PPP1R12B: variants seen among roughly 807,000 people sequenced by gnomAD.
The protein encoded by PPP1R12B is myosin phosphatase target subunit 2.
PPP1R12B carries 76 observed loss-of-function variants against 126.1 expected under a neutral mutation model. The observed-to-expected ratio is 0.60, with a 90% CI of 0.50 to 0.73. The LOEUF is 0.73. Ranked by LOEUF, PPP1R12B falls within the 30% of genes least tolerant of loss-of-function variation. The pLI, the probability that PPP1R12B is intolerant of heterozygous loss-of-function variation, is 0.00. For synonymous variants in PPP1R12B, 356 were observed against 434.7 expected, an observed-to-expected ratio of 0.82 and a Z score of 2.25; for missense variants, 1,052 against 1,205.1, an observed-to-expected ratio of 0.87 and a Z score of 1.88.
At chr1:202,559,255 A>G (rs1364678590) in intron 19 of PPP1R12B, among the ~76,000 whole-genome samples, 2 of 152,238 alleles carry the variant, frequency 1.3e-5, no homozygotes, top group Non-Finnish European at 2.9e-5. Context: ...AGAGAGACAG[A>G]TCATTTCAAC....
intron 23 of PPP1R12B, among the ~76,000 whole-genome samples, chr1:202,578,516 G>A (rs1337473222): frequency 6.6e-6 from 1 of 152,206 alleles, no homozygotes; most frequent in Non-Finnish European, 1.5e-5. Context: ...CGAAGGAGAG[G>A]GCAGCCAGAG....
chr1:202,442,535 A>G lies in PPP1R12B; in HGVS notation c.1630A>G (p.Ile544Val), dbSNP rs775957719. The G allele has an allele frequency of 1.2e-6, 2 of 1,613,664 alleles. No homozygotes were observed. Among genetic ancestry groups the G allele is most frequent in the Non-Finnish European group, 1.7e-6 (2 of 1,179,836 alleles). ...EAKGNEIPQT[I>V]APSTYVSTYL... The stretch of plus-strand genomic sequence containing the variant: ...AAAAGGAAATGAAATCCCACAGACA[A>G]TTGCTCCCTCCACCTATGTATCAAC... The change falls in exon 12 of 24, where the codon ATT becomes GTT. Residue 544 changes from isoleucine (I) to valine (V), a missense_variant. Ile to Val is a conservative substitution (Grantham distance 29). Transcript: ENST00000608999.
rs1222193266 is a variant in PPP1R12B, at chr1:202,586,333, G to A, written c.*5773G>A. ...GATGGGAAGAAGGCAGAAGGCCCAGGGGCTTTGGACATAGAGCAGGGTGGA... is the reference window on the plus strand; with the variant it reads ...GATGGGAAGAAGGCAGAAGGCCCAGAGGCTTTGGACATAGAGCAGGGTGGA... On this transcript the variant is annotated 3_prime_UTR_variant, in exon 24 of 24. Coordinates refer to ENST00000608999, the MANE Select transcript of PPP1R12B (RefSeq NM_002481.4). The A allele has an allele frequency of 6.6e-6, 1 of 152,406 alleles. No homozygotes were observed. Among genetic ancestry groups the A allele is most frequent in the East Asian group, 1.9e-4 (1 of 5,208 alleles). 9.4% of individuals were successfully genotyped at this position (152,406 alleles called of 1,614,324 possible). A position where few individuals can be genotyped will look rare whatever the true frequency, so the allele number is the denominator to read the frequency against.
rs576963058 is a variant in PPP1R12B, at chr1:202,479,629, C to T, written c.1851-8904C>T. On this transcript the variant is annotated intron_variant, in intron 13 of 23. Transcript: ENST00000608999. ...GAAGGGCTACATTCTAAGGGCTTAC[C>T]AGAAATAGACCAGCCCTTGAAAAGA... Among the ~76,000 whole-genome samples the T allele has an allele frequency of 2.6e-5, 4 of 152,314 alleles. No homozygotes were observed. The South Asian group carries it at 8.3e-4, about 32-fold the overall frequency.
intron 10 of PPP1R12B, chr1:202,439,350 A>G (rs113782613): frequency 0.018 from 24,018 of 1,354,098 alleles, 287 homozygotes; most frequent in Non-Finnish European, 0.021. Flanking sequence ...TTCCAACAAG[A>G]CGATCCACGC....
chr1:202,353,586 T>TTGTGTGTGTGTGTGTG (rs58683662), intron 1 of PPP1R12B, among the ~76,000 whole-genome samples: 22 of 120,814 alleles, frequency 1.8e-4, no homozygotes, highest in African/African-American at 6.3e-4. Context: ...TTCTTCTTCT[T>TTGTGTGTGTGTGTGTG]TGTGTGTGTG....
intron 1 of PPP1R12B, among the ~76,000 whole-genome samples, chr1:202,411,731 T>C (rs1667423185): frequency 1.3e-5 from 2 of 152,170 alleles, no homozygotes; most frequent in South Asian, 4.1e-4. Flanking sequence ...CCCAATGCTA[T>C]AGATGAGTAC....
At position 202,442,535 on chromosome 1, in the gene PPP1R12B, A is replaced by T. The variant is rs775957719; in HGVS notation, c.1630A>T (p.Ile544Phe). ...EAKGNEIPQTIAPSTYVSTYL... is the reference protein window; with the variant it reads ...EAKGNEIPQTFAPSTYVSTYL... The stretch of plus-strand genomic sequence containing the variant: ...AAAAGGAAATGAAATCCCACAGACA[A>T]TTGCTCCCTCCACCTATGTATCAAC... The change falls in exon 12 of 24, where the codon ATT (isoleucine) becomes TTT (phenylalanine). Residue 544 changes from isoleucine (I) to phenylalanine (F), a missense_variant. Coordinates refer to ENST00000608999, the MANE Select transcript of PPP1R12B (RefSeq NM_002481.4). 6.2e-7 allele frequency: 1 copy of T among 1,613,664 alleles called. No homozygotes were observed. The highest frequency in any genetic ancestry group is 8.5e-7 in the Non-Finnish European group (1 of 1,179,836).
At chr1:202,357,439 A>G (rs1167798889) in intron 1 of PPP1R12B, among the ~76,000 whole-genome samples, 1 of 152,198 alleles carries the variant, frequency 6.6e-6, no homozygotes, top group East Asian at 1.9e-4. Context: ...ATTAAGGATA[A>G]CTTGTCTTTC....
intron 23 of PPP1R12B, chr1:202,574,808 C>T (rs1688939025): frequency 1.9e-5 from 10 of 523,844 alleles, no homozygotes; most frequent in Non-Finnish European, 3.4e-6. Flanking sequence ...TTCCCTGTTG[C>T]TTTTCTCCAT....
In PPP1R12B at chr1:202,416,802, A is replaced by G; in HGVS notation, c.307A>G (p.Asn103Asp). Residue 103 changes from asparagine to aspartate, a missense_variant, in exon 2 of 24, where the codon AAT becomes GAT. Physicochemically the swap from Asn to Asp is conservative, Grantham distance 23 (BLOSUM62 1). Transcript: ENST00000608999. ...TALHQACIDE[N>D]LDMVKFLVEN... ...TTCTTTTCAGGCATGTATTGATGAA[A>G]ATTTGGACATGGTGAAGTTTCTGGT... 6.2e-7 allele frequency: 1 copy of G among 1,613,792 alleles called. No individual in the cohort carries two copies. Among genetic ancestry groups the G allele is most frequent in the East Asian group, 2.2e-5 (1 of 44,884 alleles).
intron 18 of PPP1R12B, 130 bp downstream of exon 18, chr1:202,496,952 C>G (rs1037396544): frequency 3.5e-6 from 3 of 863,982 alleles, no homozygotes; most frequent in African/African-American, 3.4e-5. Flanking sequence ...AGACATTCCT[C>G]TAAGAGATGG....
At chr1:202,399,472 G>T (rs1385868077) in intron 1 of PPP1R12B, among the ~76,000 whole-genome samples, 1 of 151,530 alleles carries the variant, frequency 6.6e-6, no homozygotes, top group Non-Finnish European at 1.5e-5. Context: ...TTCCTAAAAT[G>T]CTGGGATTAC....
At chr1:202,568,578 C>G (rs1008277071) in intron 22 of PPP1R12B, among the ~76,000 whole-genome samples, 1 of 152,152 alleles carries the variant, frequency 6.6e-6, no homozygotes, top group African/African-American at 2.4e-5. Context: ...TCAAAAACTC[C>G]TCATTGGGTT....
chr1:202,351,731 C>T (rs1232471969), intron 1 of PPP1R12B, among the ~76,000 whole-genome samples: 1 of 152,094 alleles, frequency 6.6e-6, no homozygotes, highest in Non-Finnish European at 1.5e-5. Flanking sequence ...TGGATAATTG[C>T]TTCTTTTCTC....
chr1:202,406,258 C>A (rs1006785570), intron 1 of PPP1R12B, among the ~76,000 whole-genome samples: 1 of 152,204 alleles, frequency 6.6e-6, no homozygotes, highest in African/African-American at 2.4e-5. Flanking sequence ...GTGATTAAGA[C>A]AGGTAGCCAA....
chr1:202,525,177 C>T (rs1273582927), intron 18 of PPP1R12B, among the ~76,000 whole-genome samples: 1 of 152,164 alleles, frequency 6.6e-6, no homozygotes, highest in Non-Finnish European at 1.5e-5. Flanking sequence ...CCACACGTGG[C>T]CAGAATCCAG....
chr1:202,382,242 G>A (rs1662405695), intron 1 of PPP1R12B, among the ~76,000 whole-genome samples: 1 of 142,784 alleles, frequency 7.0e-6, no homozygotes, highest in Non-Finnish European at 1.5e-5. Context: ...TTGGACACTG[G>A]AAGGGGGACA....
chr1:202,352,983 A>C (rs1401585201), intron 1 of PPP1R12B, among the ~76,000 whole-genome samples: 1 of 152,226 alleles, frequency 6.6e-6, no homozygotes, highest in East Asian at 1.9e-4. Flanking sequence ...TTCAGTTTGT[A>C]GTTGAATAAG....
Sources: gnomAD v4.1 joint callset for allele counts (sites outside exome capture counted in the v4.1 genomes callset) on GRCh38, gnomAD v4.1.1 for gene constraint, MANE v1.5 for transcripts, NCBI Gene and HGNC (gene_info 2026-07-23, HGNC 2026-07-21) for gene names.